CTNNA2: variants seen among roughly 807,000 people sequenced by gnomAD.
CTNNA2 encodes the protein catenin alpha-2.
A neutral mutation model predicts 101.0 loss-of-function variants in CTNNA2; 42 were observed. That is an observed-to-expected ratio of 0.42 (90% CI 0.32 to 0.54). CTNNA2 has a LOEUF of 0.54. Ranked by LOEUF, CTNNA2 falls within the 20% of genes least tolerant of loss-of-function variation. The probability of loss-of-function intolerance (pLI) is 0.14; values close to 1 mark genes in which losing one functional copy is unlikely to be tolerated. For synonymous variants in CTNNA2, 450 were observed against 456.4 expected (o/e 0.99, Z 0.18); for missense variants, 871 against 1,223.1 (o/e 0.71, Z 4.29).
intron 3 of CTNNA2, 95 bp from the exon 4 acceptor site, chr2:79,857,918 C>T: frequency 1.5e-6 from 2 of 1,317,430 alleles, no homozygotes; most frequent in Non-Finnish European, 2.1e-6. Flanking sequence ...CAGAGTTTTG[C>T]AATAAAAACA....
chr2:80,569,633 G>GGTTTTTTTTTTTT (rs1553392641), intron 12 of CTNNA2, among the ~76,000 whole-genome samples: 1 of 51,718 alleles, frequency 1.9e-5, no homozygotes, highest in Non-Finnish European at 3.9e-5. Flanking sequence ...GGGTATTTAG[G>GGTTTTTTTTTTTT]TTTTTTTTTT....
chr2:80,604,322 A>T, intron 16 of CTNNA2, 143 bp downstream of exon 16: 1 of 675,922 alleles, frequency 1.5e-6, no homozygotes, highest in South Asian at 1.7e-5. Flanking sequence ...ACACACTGGT[A>T]TCTGCCTCTC....
At chr2:79,327,026 T>C (rs1289241310) in intron 3 of CTNNA2, among the ~76,000 whole-genome samples, 1 of 152,164 alleles carries the variant, frequency 6.6e-6, no homozygotes, top group Non-Finnish European at 1.5e-5. Flanking sequence ...TCTTGGATCT[T>C]GGTTTTCTAG....
At chr2:80,071,641 T>G (rs1450227020) in intron 7 of CTNNA2, among the ~76,000 whole-genome samples, 2 of 152,186 alleles carry the variant, frequency 1.3e-5, no homozygotes, top group African/African-American at 4.8e-5. Context: ...GGCCCTTACA[T>G]CCAATAAATC....
At chr2:80,615,105 A>G (rs998147750) in intron 17 of CTNNA2, among the ~76,000 whole-genome samples, 10 of 151,524 alleles carry the variant, frequency 6.6e-5, no homozygotes, top group Admixed American at 6.6e-5. Flanking sequence ...GGATATTGAA[A>G]TCATATGCTA....
At chr2:79,765,049 A>G (rs946565867) in intron 3 of CTNNA2, among the ~76,000 whole-genome samples, 3 of 152,212 alleles carry the variant, frequency 2.0e-5, no homozygotes, top group African/African-American at 4.8e-5. Flanking sequence ...CTTCAACAAG[A>G]TATCTAGGCA....
chr2:79,272,978 T>C (rs988161660), intron 2 of CTNNA2, among the ~76,000 whole-genome samples: 1 of 152,050 alleles, frequency 6.6e-6, no homozygotes, highest in Non-Finnish European at 1.5e-5. Context: ...GTTATTAACT[T>C]AATGAAAAGT....
rs188302641 is a variant in CTNNA2, at chr2:79,389,403, C to T, written c.-135+15390C>T. On this transcript the variant is annotated intron_variant, in intron 4 of 21. Transcript: ENST00000466387. Reference sequence around the variant, plus strand: ...CTAGAAATATGTAAATTAACTACTGCACTTCACAGATAAAAAGCATGGGGG... The same window carrying T: ...CTAGAAATATGTAAATTAACTACTGTACTTCACAGATAAAAAGCATGGGGG... Among the ~76,000 whole-genome samples, 6 of 152,280 alleles carry T rather than the reference C, an allele frequency of 3.9e-5. No homozygotes were observed. In the East Asian group the frequency reaches 1.2e-3, roughly 29 times the overall value.
chr2:80,146,709 G>GT (rs1384506245), intron 7 of CTNNA2, among the ~76,000 whole-genome samples: 16 of 70,460 alleles, frequency 2.3e-4, no homozygotes, highest in South Asian at 6.5e-4. Context: ...AGTCCCCTCT[G>GT]GTTTTTTTTT....
At chr2:80,460,838 G>A (rs904215448) in intron 9 of CTNNA2, among the ~76,000 whole-genome samples, 1 of 152,208 alleles carries the variant, frequency 6.6e-6, no homozygotes, top group Middle Eastern at 3.4e-3. Context: ...ATCACCTGGA[G>A]GACTTGCCAA....
intron 7 of CTNNA2, among the ~76,000 whole-genome samples, chr2:80,308,963 C>T (rs1677276917): frequency 6.6e-6 from 1 of 152,028 alleles, no homozygotes; most frequent in African/African-American, 2.4e-5. Flanking sequence ...GTGGTGGGTG[C>T]CTGTAATCCC....
intron 7 of CTNNA2, among the ~76,000 whole-genome samples, chr2:80,316,805 A>G (rs77249789): frequency 6.6e-6 from 1 of 152,306 alleles, no homozygotes; most frequent in South Asian, 2.1e-4. Flanking sequence ...TCTATTGAGT[A>G]CTTCACATAT....
At position 79,601,738 on chromosome 2, in the gene CTNNA2, G is replaced by A. The variant is rs1362955634; in HGVS notation, c.-5-49814G>A. Among the ~76,000 whole-genome samples the A allele has an allele frequency of 2.0e-5, 3 of 152,288 alleles. No homozygotes were observed. In the East Asian group the frequency reaches 5.8e-4, roughly 29 times the overall value. Reference sequence around the variant, plus strand: ...CGGTGTGACACAGAAGACTTCCATAGGAGTTAAGCTGTCAGATAATGACTA... The same window carrying A: ...CGGTGTGACACAGAAGACTTCCATAAGAGTTAAGCTGTCAGATAATGACTA... On this transcript the variant is annotated intron_variant, in intron 1 of 18. Coordinates refer to ENST00000402739, the MANE Select transcript of CTNNA2 (RefSeq NM_001282597.3).
At chr2:79,732,584 A>G (rs976124742) in intron 2 of CTNNA2, among the ~76,000 whole-genome samples, 1 of 152,082 alleles carries the variant, frequency 6.6e-6, no homozygotes, top group Non-Finnish European at 1.5e-5. Context: ...TGAACTAATA[A>G]TGTATTACAT....
At chr2:79,919,906 C>A (rs2104374817) in intron 7 of CTNNA2, among the ~76,000 whole-genome samples, 1 of 152,254 alleles carries the variant, frequency 6.6e-6, no homozygotes, top group African/African-American at 2.4e-5. Flanking sequence ...TCTCTAACAC[C>A]TCTCCATGCT....
At chr2:80,107,635 TG>T (rs1168834208) in intron 7 of CTNNA2, among the ~76,000 whole-genome samples, 1 of 152,200 alleles carries the variant, frequency 6.6e-6, no homozygotes, top group Non-Finnish European at 1.5e-5. Flanking sequence ...TCACGGAGTG[TG>T]GTGCCCAACA....
At chr2:80,309,453 T>C (rs1677329398) in intron 7 of CTNNA2, among the ~76,000 whole-genome samples, 1 of 152,136 alleles carries the variant, frequency 6.6e-6, no homozygotes, top group South Asian at 2.1e-4. Flanking sequence ...TAATTTCTAA[T>C]GATAGTATTT....
chr2:79,260,474 C>T (rs1674906390), intron 2 of CTNNA2, among the ~76,000 whole-genome samples: 1 of 152,098 alleles, frequency 6.6e-6, no homozygotes, highest in East Asian at 1.9e-4. Context: ...TTCCTAGTCA[C>T]TTGGGTTTGC....
rs139231782 is a variant in CTNNA2, at chr2:80,357,620, C to G, written c.1057-35591C>G. On this transcript the variant is annotated intron_variant, in intron 7 of 18. Transcript: ENST00000402739. ...CAGAATATAGGAAAAAGGAGGATCT[C>G]GTCAGTATCTTGATATTTCTTGAGG... 2.3e-3 allele frequency among the ~76,000 whole-genome samples: 347 copies of G among 152,088 alleles called. 2 individuals are homozygous for G. Among genetic ancestry groups the G allele is most frequent in the African/African-American group, 7.9e-3 (327 of 41,482 alleles).
Sources: gnomAD v4.1 joint callset for allele counts (sites outside exome capture counted in the v4.1 genomes callset) on GRCh38, gnomAD v4.1.1 for gene constraint, MANE v1.5 for transcripts, NCBI Gene and HGNC (gene_info 2026-07-23, HGNC 2026-07-21) for gene names.